HACD4: variants seen among roughly 807,000 people sequenced by gnomAD.
HACD4 encodes the protein very-long-chain (3R)-3-hydroxyacyl-CoA dehydratase 4.
Under a neutral mutation model 33.3 loss-of-function variants are expected in HACD4, and 35 were observed. The observed-to-expected ratio is 1.05, with a 90% CI of 0.80 to 1.39. HACD4 has a LOEUF of 1.39. Among genes scored for constraint, HACD4 ranks in the 40% most tolerant of loss-of-function variants. HACD4 has a pLI of 0.00. For synonymous variants in HACD4, 118 were observed against 98.0 expected (o/e 1.20, Z -1.21); for missense variants, 323 against 276.5 (o/e 1.17, Z -1.19).
chr9:21,026,577 A>G lies in HACD4; in HGVS notation c.270+19T>C, dbSNP rs1564280863. On this transcript the variant is annotated intron_variant, in intron 3 of 6. Transcript: ENST00000495827. Reference sequence around the variant, plus strand: ...TAAAAATGAAACAGATTCTATAATAATATGTGATTCAAACCTACCTGCAAA... The same window carrying G: ...TAAAAATGAAACAGATTCTATAATAGTATGTGATTCAAACCTACCTGCAAA... 3.1e-6 allele frequency: 5 copies of G among 1,591,674 alleles called. No individual in the cohort carries two copies.
rs528777592 is a variant in HACD4 at position 21,006,037 on chromosome 9, T to C, written c.*1000A>G. ...CTGATTTAGACGAGACTTTGGACTTTAGAGTTGATGCAGGAATGAGTTAAG... is the reference window on the plus strand; with the variant it reads ...CTGATTTAGACGAGACTTTGGACTTCAGAGTTGATGCAGGAATGAGTTAAG... On this transcript the variant is annotated 3_prime_UTR_variant, in exon 7 of 7. Transcript: ENST00000495827. The surrounding 1 kb of genome is among the most constrained non-coding windows in gnomAD (Gnocchi z 4.6). 2 of 152,294 alleles carry C rather than the reference T, an allele frequency of 1.3e-5. No individual in the cohort carries two copies. Among genetic ancestry groups the C allele is most frequent in the African/African-American group, 4.8e-5 (2 of 41,566 alleles). The allele number at this position is 152,294 out of a possible 1,614,324, so 9.4% of individuals were successfully genotyped here. A position where few individuals can be genotyped will look rare whatever the true frequency, so the allele number is the denominator to read the frequency against.
intron 3 of HACD4, among the ~76,000 whole-genome samples, chr9:21,022,161 A>G (rs1817930813): frequency 6.6e-6 from 1 of 152,236 alleles, no homozygotes; most frequent in Non-Finnish European, 1.5e-5. Flanking sequence ...TGGTGCTAGG[A>G]AAACTGGCTA....
At chr9:21,019,275 G>C (rs1817839873) in intron 3 of HACD4, among the ~76,000 whole-genome samples, 1 of 152,060 alleles carries the variant, frequency 6.6e-6, no homozygotes, top group Non-Finnish European at 1.5e-5. Flanking sequence ...TAATAGTTGA[G>C]AGCTCAAGAG....
intron 3 of HACD4, 32 bp from the exon 4 acceptor site, chr9:21,016,042 G>A: frequency 6.9e-7 from 1 of 1,449,920 alleles, no homozygotes. Flanking sequence ...CAGAAATTAG[G>A]ACATCTATTA....
rs745724179 is a variant in HACD4 at position 21,001,807 on chromosome 9, T to A, written c.*5230A>T. 6.6e-6 allele frequency: 1 copy of A among 151,942 alleles called. No homozygotes were observed. The highest frequency in any genetic ancestry group is 2.4e-5 in the African/African-American group (1 of 41,382). 9.4% of individuals were successfully genotyped at this position (151,942 alleles called of 1,614,324 possible). On this transcript the variant is annotated 3_prime_UTR_variant, in exon 7 of 7. Coordinates refer to ENST00000495827, the MANE Select transcript of HACD4 (RefSeq NM_001010915.5). The stretch of plus-strand genomic sequence containing the variant: ...CAAACGTGAGAGAGAAATTAAGACA[T>A]CCCCAGATAAACAAAAGCTGAGAAA...
At chr9:21,028,441 C>G (rs913057510) in intron 2 of HACD4, among the ~76,000 whole-genome samples, 1 of 152,152 alleles carries the variant, frequency 6.6e-6, no homozygotes, top group Non-Finnish European at 1.5e-5. Flanking sequence ...AGGTCCTTAA[C>G]AAAGGCGAGA....
Position 21,000,354 on chromosome 9 carries a change from A to G in HACD4, c.*6683T>C, listed in dbSNP as rs937432442. The G allele has an allele frequency of 6.6e-6, 1 of 152,184 alleles. No individual in the cohort carries two copies. The highest frequency in any genetic ancestry group is 2.4e-5 in the African/African-American group (1 of 41,462). 9.4% of individuals were successfully genotyped at this position (152,184 alleles called of 1,614,324 possible). A position where few individuals can be genotyped will look rare whatever the true frequency, so the allele number is the denominator to read the frequency against. Reference sequence around the variant, plus strand: ...TTCTGAAAACATTGGTGGCTTTTATATAAGTAGTTCTTTTTAGCAGTTTTC... The same window carrying G: ...TTCTGAAAACATTGGTGGCTTTTATGTAAGTAGTTCTTTTTAGCAGTTTTC... On this transcript the variant is annotated 3_prime_UTR_variant, in exon 7 of 7. Coordinates refer to ENST00000495827, the MANE Select transcript of HACD4 (RefSeq NM_001010915.5).
chr9:21,025,483 T>A (rs773447573), intron 3 of HACD4, among the ~76,000 whole-genome samples: 45 of 152,262 alleles, frequency 3.0e-4, no homozygotes, highest in Non-Finnish European at 5.6e-4. Context: ...CAATGTGAAA[T>A]TGTCAAAATT....
intron 1 of HACD4, among the ~76,000 whole-genome samples, chr9:21,031,168 C>G (rs1284188442): frequency 6.6e-6 from 1 of 152,150 alleles, no homozygotes; most frequent in African/African-American, 2.4e-5. Flanking sequence ...GAACTAGGCC[C>G]TGAAATCTAT....
At position 21,031,639 on chromosome 9, in the gene HACD4, G is replaced by A. The variant is rs1046079925; in HGVS notation, c.-49C>T. ...AGCGCGGTCCAGGAAGGAGTACCGGGGAGGAGGCAGGGGCGGCCCCGCGGC... is the reference window on the plus strand; with the variant it reads ...AGCGCGGTCCAGGAAGGAGTACCGGAGAGGAGGCAGGGGCGGCCCCGCGGC... On this transcript the variant is annotated 5_prime_UTR_variant, in exon 1 of 7. Coordinates refer to ENST00000495827, the MANE Select transcript of HACD4 (RefSeq NM_001010915.5). 6.0e-6 allele frequency: 8 copies of A among 1,338,730 alleles called. No homozygotes were observed. The highest frequency in any genetic ancestry group is 1.9e-5 in the South Asian group (1 of 52,992). The allele number at this position is 1,338,730 out of a possible 1,614,324, so 82.9% of individuals were successfully genotyped here.
intron 3 of HACD4, among the ~76,000 whole-genome samples, chr9:21,019,610 T>C (rs190162880): frequency 8.5e-5 from 13 of 152,200 alleles, no homozygotes; most frequent in Admixed American, 7.2e-4. Flanking sequence ...AATTAAAAAA[T>C]TCAATCTCAA....
chr9:21,007,269 C>G, intron 6 of HACD4, 150 bp from the exon 7 acceptor site: 1 of 597,498 alleles, frequency 1.7e-6, no homozygotes, highest in Non-Finnish European at 3.0e-6. Flanking sequence ...AAAGAAGTGT[C>G]CAGATTTTAT....
rs1842172046 is a variant in HACD4, at chr9:21,001,912, A to C, written c.*5125T>G. 1 of 152,172 alleles carries C rather than the reference A, an allele frequency of 6.6e-6. No homozygotes were observed. The highest frequency in any genetic ancestry group is 2.1e-4 in the South Asian group (1 of 4,836). The allele number at this position is 152,172 out of a possible 1,614,324, so 9.4% of individuals were successfully genotyped here. The stretch of plus-strand genomic sequence containing the variant: ...TTGAAATGGAAAGACACTAAACAGC[A>C]ACTCAAAGCCACATGAAGAAATAAG... On this transcript the variant is annotated 3_prime_UTR_variant, in exon 7 of 7. Coordinates refer to ENST00000495827, the MANE Select transcript of HACD4 (RefSeq NM_001010915.5).
At chr9:21,010,282 C>T (rs1282309804) in intron 5 of HACD4, among the ~76,000 whole-genome samples, 1 of 152,152 alleles carries the variant, frequency 6.6e-6, no homozygotes, top group East Asian at 1.9e-4. Flanking sequence ...CTCCAAATAT[C>T]CTCAAGCTCT....
intron 4 of HACD4, among the ~76,000 whole-genome samples, chr9:21,014,415 A>C (rs1842508952): frequency 1.3e-5 from 2 of 152,240 alleles, no homozygotes. Context: ...ATGCCACAAC[A>C]CAGAGGAACC....
chr9:21,016,493 C>T lies in HACD4; in HGVS notation c.271-483G>A, dbSNP rs145714094. ...CAAAGAGATTAATGAAGACATGCTA[C>T]ATTTCATTTCATCCAAGTTGGATCT... is the stretch of plus-strand genomic sequence containing the variant. On this transcript the variant is annotated intron_variant, in intron 3 of 6. Coordinates refer to ENST00000495827, the MANE Select transcript of HACD4 (RefSeq NM_001010915.5). Among the ~76,000 whole-genome samples, 486 of 152,288 alleles carry T rather than the reference C, an allele frequency of 3.2e-3. 1 individual carries two copies. Among genetic ancestry groups the T allele is most frequent in the Non-Finnish European group, 6.1e-3 (414 of 68,024 alleles).
At chr9:21,013,138 C>G (rs1842477814) in intron 4 of HACD4, among the ~76,000 whole-genome samples, 1 of 150,724 alleles carries the variant, frequency 6.6e-6, no homozygotes, top group Non-Finnish European at 1.5e-5. Context: ...TGTTGTGTAC[C>G]TTATAACACA....
chr9:21,015,807 T>C, intron 4 of HACD4, 91 bp downstream of exon 4: 1 of 715,512 alleles, frequency 1.4e-6, no homozygotes, highest in Non-Finnish European at 2.5e-6. Flanking sequence ...TTTTCCTCTC[T>C]CGTACCAAGT....
At chr9:21,014,727 CTG>C (rs1842515686) in intron 4 of HACD4, among the ~76,000 whole-genome samples, 1 of 152,078 alleles carries the variant, frequency 6.6e-6, no homozygotes, top group African/African-American at 2.4e-5. Context: ...CTTAATAAAA[CTG>C]TTATTAAAAT....
Sources: gnomAD v4.1 joint callset for allele counts (sites outside exome capture counted in the v4.1 genomes callset) on GRCh38, gnomAD v4.1.1 for gene constraint, Gnocchi (gnomAD v3.1) non-coding constraint, MANE v1.5 for transcripts, NCBI Gene and HGNC (gene_info 2026-07-23, HGNC 2026-07-21) for gene names.